Variants in TSKS observed in about 807,000 individuals in gnomAD.
The protein encoded by TSKS is testis specific serine kinase substrate.
A neutral mutation model predicts 68.0 loss-of-function variants in TSKS; 27 were observed. The observed-to-expected ratio is 0.40, with a 90% CI of 0.29 to 0.55. The LOEUF (loss-of-function observed/expected upper bound fraction) is 0.55, where lower values mean the gene tolerates loss of function less well. Among genes scored for constraint, TSKS ranks in the 20% least tolerant of loss-of-function variants. The pLI, the probability that TSKS is intolerant of heterozygous loss-of-function variation, is 0.53. For synonymous variants in TSKS, 331 were observed against 340.4 expected, an observed-to-expected ratio of 0.97 and a Z score of 0.30; for missense variants, 806 against 776.0, an observed-to-expected ratio of 1.04 and a Z score of -0.46.
chr19:49,759,314 CA>C (rs2084420053), intron 2 of TSKS, among the ~76,000 whole-genome samples: 2 of 151,122 alleles, frequency 1.3e-5, no homozygotes, highest in Non-Finnish European at 3.0e-5. Context: ...ACTAAAAATA[CA>C]AAAATTAGCC....
chr19:49,748,617 G>C (rs1167931160), intron 2 of TSKS, 148 bp from the exon 3 acceptor site: 1 of 692,898 alleles, frequency 1.4e-6, no homozygotes, highest in Non-Finnish European at 2.5e-6. Flanking sequence ...CTATACCTCT[G>C]ATTCTTAGCA....
chr19:49,740,590 C>A (rs1372727473), intron 9 of TSKS, among the ~76,000 whole-genome samples: 3 of 152,132 alleles, frequency 2.0e-5, no homozygotes, highest in African/African-American at 7.2e-5. Flanking sequence ...GCACCTCTCA[C>A]ACAAAAGTCC....
intron 2 of TSKS, among the ~76,000 whole-genome samples, chr19:49,754,550 G>A (rs1253667629): frequency 2.6e-5 from 4 of 151,724 alleles, no homozygotes; most frequent in African/African-American, 9.7e-5. Context: ...AAGTTATAAG[G>A]CATGCAAAGA....
Position 49,746,611 on chromosome 19 carries a change from C to T in TSKS, c.851G>A (p.Gly284Asp), listed in dbSNP as rs778488226. The T allele has an allele frequency of 1.7e-5, 27 of 1,611,046 alleles. No individual in the cohort carries two copies. In the South Asian group the frequency reaches 3.0e-4, roughly 18 times the overall value. The change falls in exon 6 of 11, where the codon GGC becomes GAC. Residue 284 changes from glycine to aspartate, a missense_variant. Gly to Asp is a moderately conservative substitution (Grantham distance 94). Transcript: ENST00000246801. Reference protein sequence around the residue: ...GPAATSQGCPGPPGSPDKPSR... With the variant: ...GPAATSQGCPDPPGSPDKPSR... ...GGGTTTGTCGGGACTCCCTGGCGGG[C>T]CGGGGCAGCCCTGGGACGTGGCGGC...
chr19:49,740,122 CGAAGGGTG>C lies in TSKS; in HGVS notation c.1551_1558del (p.Thr518AlafsTer47), dbSNP rs771423089. 1 of 1,614,136 alleles carries C rather than the reference CGAAGGGTG, an allele frequency of 6.2e-7. No homozygotes were observed. The highest frequency in any genetic ancestry group is 2.2e-5 in the East Asian group (1 of 44,870). On this transcript the variant is annotated frameshift_variant, in exon 10 of 11. Transcript: ENST00000246801. LOFTEE classifies it high-confidence loss of function. The stretch of plus-strand genomic sequence containing the variant: ...CCGCAGGGCCTCGTCTTGGGCCAGC[CGAAGGGTG>C]GAGCTCAGGGCCTCTGCCCTGACGT...
intron 6 of TSKS, 125 bp downstream of exon 6, chr19:49,746,333 TCCACCCATGTCA>T: frequency 9.9e-7 from 1 of 1,010,152 alleles, no homozygotes; most frequent in East Asian, 2.6e-5. Context: ...TCCCCGAGGC[TCCACCCATGTCA>T]CCGCCCACCT....
At position 49,745,302 on chromosome 19, in the gene TSKS, C is replaced by G. The variant is rs753180654; in HGVS notation, c.1087G>C (p.Asp363His). 3.7e-6 allele frequency: 6 copies of G among 1,604,876 alleles called. No homozygotes were observed. The highest frequency in any genetic ancestry group is 5.1e-6 in the Non-Finnish European group (6 of 1,179,448). Residue 363 changes from aspartate to histidine, a missense_variant, in exon 7 of 11, where the codon GAC (aspartate) becomes CAC (histidine). Physicochemically the swap from Asp to His is moderately conservative, Grantham distance 81. Coordinates refer to ENST00000246801, the MANE Select transcript of TSKS (RefSeq NM_021733.2). ...CGCTCCCACTGGCCTAGGAAGCCGT[C>G]GACCCTGCCGCCCAGGCCCCCGAGC... is the stretch of plus-strand genomic sequence containing the variant. Reference protein sequence around the residue: ...RLLGGLGGRVDGFLGQWERAQ... With the variant: ...RLLGGLGGRVHGFLGQWERAQ...
chr19:49,741,588 C>CT (rs1293386696), intron 9 of TSKS, among the ~76,000 whole-genome samples: 4 of 152,148 alleles, frequency 2.6e-5, no homozygotes, highest in African/African-American at 9.7e-5. Context: ...TTCCATGAAG[C>CT]TTTAGACTGG....
intron 1 of TSKS, 99 bp from the exon 2 acceptor site, chr19:49,762,331 C>G: frequency 1.2e-6 from 1 of 823,682 alleles, no homozygotes; most frequent in Non-Finnish European, 2.0e-6. Context: ...GTGACTCCAC[C>G]CTCACTGTAT....
At chr19:49,751,947 A>G (rs955678099) in intron 2 of TSKS, among the ~76,000 whole-genome samples, 1 of 149,372 alleles carries the variant, frequency 6.7e-6, no homozygotes, top group Non-Finnish European at 1.5e-5. Context: ...GGTGGTGTGC[A>G]CCTGTAGTCC....
At chr19:49,759,402 G>A (rs1157580440) in intron 2 of TSKS, among the ~76,000 whole-genome samples, 1 of 150,492 alleles carries the variant, frequency 6.6e-6, no homozygotes, top group African/African-American at 2.4e-5. Context: ...CTGGGAGGTG[G>A]AGGTTGCAGT....
chr19:49,739,903 T>A lies in TSKS; in HGVS notation c.1652A>T (p.His551Leu). The change falls in exon 11 of 11, where the codon CAC becomes CTC. Residue 551 changes from histidine (H) to leucine (L), a missense_variant. Physicochemically the swap from His to Leu is moderately conservative, Grantham distance 99 (BLOSUM62 -3). Transcript: ENST00000246801. ...ATCGTGGAGGGAGCACATCTTCAAG[T>A]GTAGATGGTCCAGAGTGGCCATCTT... is the stretch of plus-strand genomic sequence containing the variant. ...EEKMATLDHL[H>L]LKMCSLHDHL... 6.2e-7 allele frequency: 1 copy of A among 1,613,810 alleles called. No individual in the cohort carries two copies. The highest frequency in any genetic ancestry group is 8.5e-7 in the Non-Finnish European group (1 of 1,179,880).
intron 9 of TSKS, among the ~76,000 whole-genome samples, chr19:49,740,840 C>T (rs536453796): frequency 4.7e-5 from 7 of 149,988 alleles, no homozygotes; most frequent in South Asian, 2.1e-4. Flanking sequence ...GCCAAGATGG[C>T]GCCACTGCAC....
chr19:49,754,033 C>T lies in TSKS; in HGVS notation c.400-5564G>A, dbSNP rs565191340. Among the ~76,000 whole-genome samples, 47 of 150,016 alleles carry T rather than the reference C, an allele frequency of 3.1e-4. No homozygotes were observed. In the East Asian group the frequency reaches 4.5e-3, roughly 14 times the overall value. ...CCCAGTAGCTGGGACTACAGGCACC[C>T]GCCACCACGCCTGGCTAATTTTTGT... On this transcript the variant is annotated intron_variant, in intron 2 of 10. Transcript: ENST00000246801.
chr19:49,754,414 G>A (rs773764891), intron 2 of TSKS, among the ~76,000 whole-genome samples: 7 of 151,586 alleles, frequency 4.6e-5, no homozygotes, highest in Admixed American at 1.3e-4. Flanking sequence ...CAGGAAAATC[G>A]CTTGAACCTG....
At position 49,763,032 on chromosome 19, in the gene TSKS, A is replaced by G; in HGVS notation, c.170+46T>C. 6.4e-7 allele frequency: 1 copy of G among 1,573,226 alleles called. No homozygotes were observed. The highest frequency in any genetic ancestry group is 2.4e-5 in the East Asian group (1 of 42,054). ...GTCGGACTCCTGCTCTGTTGGAGGT[A>G]GTGCTGGGCATTAGAACCATCCCTG... On this transcript the variant is annotated intron_variant, in intron 1 of 10. Transcript: ENST00000246801. This position sits in a 1 kb window ranked among gnomAD's most constrained non-coding sequence, Gnocchi z 4.5.
chr19:49,759,477 A>G lies in TSKS; in HGVS notation c.399+2527T>C, dbSNP rs573186337. Among the ~76,000 whole-genome samples the G allele has an allele frequency of 2.0e-5, 3 of 148,060 alleles. No individual in the cohort carries two copies. In the South Asian group the frequency reaches 6.4e-4, roughly 31 times the overall value. ...AGCGAGACTCCATTTCCAAAAAAAA[A>G]AAAAAAAAATTACCTGGGTGTGTGG... On this transcript the variant is annotated intron_variant, in intron 2 of 10. Coordinates refer to ENST00000246801, the MANE Select transcript of TSKS (RefSeq NM_021733.2).
At position 49,745,388 on chromosome 19, in the gene TSKS, A is replaced by C; in HGVS notation, c.1001T>G (p.Val334Gly). 1 of 1,559,984 alleles carries C rather than the reference A, an allele frequency of 6.4e-7. No individual in the cohort carries two copies. Among genetic ancestry groups the C allele is most frequent in the Non-Finnish European group, 8.6e-7 (1 of 1,156,392 alleles). Reference sequence around the variant, plus strand: ...ATGCCACCGGGCGGTCAGTGAGGACACCTCTCTCCTGGAGGGGCAGAGGAG... The same window carrying C: ...ATGCCACCGGGCGGTCAGTGAGGACCCCTCTCTCCTGGAGGGGCAGAGGAG... ...FTGIEELRRE[V>G]SSLTARWHQE... Residue 334 changes from valine (V) to glycine (G), a missense_variant, in exon 7 of 11, where the codon GTG becomes GGG. Transcript: ENST00000246801.
At chr19:49,758,658 C>T (rs1471102156) in intron 2 of TSKS, among the ~76,000 whole-genome samples, 9 of 152,254 alleles carry the variant, frequency 5.9e-5, no homozygotes, top group Non-Finnish European at 1.3e-4. Context: ...TCCCTGGACC[C>T]TCGCCCAGGC....
Sources: gnomAD v4.1 joint callset for allele counts (sites outside exome capture counted in the v4.1 genomes callset) on GRCh38, gnomAD v4.1.1 for gene constraint, Gnocchi (gnomAD v3.1) non-coding constraint, MANE v1.5 for transcripts, NCBI Gene and HGNC (gene_info 2026-07-23, HGNC 2026-07-21) for gene names.